Variants in NADK2 observed in about 807,000 individuals in gnomAD.
NADK2 encodes the protein NAD kinase 2, mitochondrial, also known as NAD kinase domain-containing protein 1, mitochondrial.
A neutral mutation model predicts 62.1 loss-of-function variants in NADK2; 35 were observed. The observed-to-expected ratio is 0.56, with a 90% CI of 0.43 to 0.75. The LOEUF (loss-of-function observed/expected upper bound fraction) is 0.75, where lower values mean the gene tolerates loss of function less well. Among genes scored for constraint, NADK2 ranks in the 30% least tolerant of loss-of-function variants. The pLI, the probability that NADK2 is intolerant of heterozygous loss-of-function variation, is 0.00. For synonymous variants in NADK2, 205 were observed against 207.9 expected, an observed-to-expected ratio of 0.99 and a Z score of 0.12; for missense variants, 439 against 561.3, an observed-to-expected ratio of 0.78 and a Z score of 2.20.
chr5:36,232,225 T>C (rs527890799), intron 1 of NADK2, among the ~76,000 whole-genome samples: 5 of 152,356 alleles, frequency 3.3e-5, no homozygotes, highest in Admixed American at 2.6e-4. Context: ...TTATCACAGA[T>C]GGTTTTACTT....
intron 1 of NADK2, among the ~76,000 whole-genome samples, chr5:36,238,618 G>A (rs1747994952): frequency 6.6e-6 from 1 of 152,136 alleles, no homozygotes; most frequent in Non-Finnish European, 1.5e-5. Context: ...TCTAATTTGT[G>A]TCAAGGACCC....
At chr5:36,221,664 C>T (rs1408604747) in intron 4 of NADK2, 1 of 152,172 alleles carries the variant, frequency 6.6e-6, no homozygotes, top group Admixed American at 6.5e-5. Flanking sequence ...AACACCTGTT[C>T]TTCTAGCTAG....
chr5:36,212,840 T>C (rs994665590), intron 6 of NADK2, among the ~76,000 whole-genome samples: 2 of 152,220 alleles, frequency 1.3e-5, no homozygotes, highest in Non-Finnish European at 2.9e-5. Flanking sequence ...CCTGCCTCCC[T>C]GGTATTCACA....
rs557130683 is a variant in NADK2, at chr5:36,205,094, T to C, written c.956+2076A>G. On this transcript the variant is annotated intron_variant, in intron 8 of 11. Transcript: ENST00000381937. The surrounding 1 kb of genome is among the most constrained non-coding windows in gnomAD (Gnocchi z 4.1). ...TCAAAAAATATTTTTTGAGTGAATATATATAAGGTACTGTGCATAAAAAGA... is the reference window on the plus strand; with the variant it reads ...TCAAAAAATATTTTTTGAGTGAATACATATAAGGTACTGTGCATAAAAAGA... Among the ~76,000 whole-genome samples, 28 of 152,032 alleles carry C rather than the reference T, an allele frequency of 1.8e-4. No individual in the cohort carries two copies. In the South Asian group the frequency reaches 5.6e-3, roughly 30 times the overall value.
chr5:36,209,229 T>C (rs1746751653), intron 7 of NADK2, among the ~76,000 whole-genome samples: 2 of 152,240 alleles, frequency 1.3e-5, no homozygotes, highest in African/African-American at 2.4e-5. Context: ...GCATCAGTTA[T>C]TTATGAGATA....
At chr5:36,224,782 C>G (rs1479910542) in intron 4 of NADK2, among the ~76,000 whole-genome samples, 2 of 151,938 alleles carry the variant, frequency 1.3e-5, no homozygotes. Flanking sequence ...CCATAAAGTC[C>G]AGGTACAGTC....
At position 36,220,375 on chromosome 5, in the gene NADK2, G is replaced by C. The variant is rs57250040; in HGVS notation, c.561-696C>G. On this transcript the variant is annotated intron_variant, in intron 4 of 11. Coordinates refer to ENST00000381937, the MANE Select transcript of NADK2 (RefSeq NM_001085411.3). Reference sequence around the variant, plus strand: ...AGATTGCCTATTGGTTGGTGTAGATGAGAGTATGTGGCACCTAAAGATGTC... The same window carrying C: ...AGATTGCCTATTGGTTGGTGTAGATCAGAGTATGTGGCACCTAAAGATGTC... Among the ~76,000 whole-genome samples the C allele has an allele frequency of 3.4e-3, 510 of 151,196 alleles. 1 individual carries two copies. The highest frequency in any genetic ancestry group is 0.012 in the African/African-American group (483 of 41,186).
At position 36,194,992 on chromosome 5, in the gene NADK2, G is replaced by A. The variant is rs1746174440; in HGVS notation, c.*152C>T. 4.2e-6 allele frequency: 3 copies of A among 716,920 alleles called. No homozygotes were observed. The highest frequency in any genetic ancestry group is 1.8e-5 in the African/African-American group (1 of 54,150). The allele number at this position is 716,920 out of a possible 1,614,324, so 44.4% of individuals were successfully genotyped here. ...ACAGTGAATGTCTTTTTTTCTATCA[G>A]AATCCAACAGAAGAATAATGCAAAT... On this transcript the variant is annotated 3_prime_UTR_variant, in exon 12 of 12. Coordinates refer to ENST00000381937, the MANE Select transcript of NADK2 (RefSeq NM_001085411.3).
At position 36,217,767 on chromosome 5, in the gene NADK2, A is replaced by G. The variant is rs1461053671; in HGVS notation, c.762T>C (p.Ile254=). The G allele has an allele frequency of 1.9e-6, 3 of 1,613,706 alleles. No individual in the cohort carries two copies. The African/African-American group carries it at 4.0e-5, about 22-fold the overall frequency. The change falls in exon 6 of 12, where the codon ATT becomes ATC. Residue 254 remains isoleucine (I), a synonymous_variant. Transcript: ENST00000381937. Reference sequence around the variant, plus strand: ...ACCTACTTTCATCATGAGCTCTTTCAATGTTAAGGGCTCTATTGTGCTGAT... The same window carrying G: ...ACCTACTTTCATCATGAGCTCTTTCGATGTTAAGGGCTCTATTGTGCTGAT... The part of the protein sequence containing the change: ...SLNQHNRALN[I]ERAHDERSEA...
chr5:36,222,511 C>T (rs1247883967), intron 4 of NADK2, among the ~76,000 whole-genome samples: 8 of 152,122 alleles, frequency 5.3e-5, no homozygotes, highest in Admixed American at 4.6e-4. Context: ...TGCCTGTGGA[C>T]ATATGAGGAC....
chr5:36,233,909 C>T (rs769815822), intron 1 of NADK2, among the ~76,000 whole-genome samples: 2 of 152,072 alleles, frequency 1.3e-5, no homozygotes, highest in East Asian at 1.9e-4. Context: ...TAAAAGATAC[C>T]ATTTCACCTT....
At position 36,241,512 on chromosome 5, in the gene NADK2, T is replaced by C; in HGVS notation, c.287A>G (p.Asp96Gly). 6.4e-7 allele frequency: 1 copy of C among 1,560,472 alleles called. No homozygotes were observed. The highest frequency in any genetic ancestry group is 8.6e-7 in the Non-Finnish European group (1 of 1,162,376). ...RYRYAELSEE[D>G]LKQLLALKGS... ...GCCAGGACCCACCAGCTGCTTCAGG[T>C]CCTCCTCCGAGAGCTCCGCGTAACG... Residue 96 changes from aspartate (D) to glycine (G), a missense_variant, in exon 1 of 12, where the codon GAC becomes GGC. By Grantham distance (94) the Asp-to-Gly change is moderately conservative. Transcript: ENST00000381937. This position sits in a 1 kb window ranked among gnomAD's most constrained non-coding sequence, Gnocchi z 4.9.
rs1746182614 is a variant in NADK2 at position 36,195,179 on chromosome 5, CT to C, written c.1293del (p.Glu432LysfsTer20). ...DGAIASMMIN[K>X]EDELRTVLLE... Reference sequence around the variant, plus strand: ...AGAAGCACAGTTCGAAGCTCATCTTCTTTATTGATCATCATCGAAGCAATTG... The same window carrying C: ...AGAAGCACAGTTCGAAGCTCATCTTCTTATTGATCATCATCGAAGCAATTG... On this transcript the variant is annotated frameshift_variant, in exon 12 of 12. Coordinates refer to ENST00000381937, the MANE Select transcript of NADK2 (RefSeq NM_001085411.3). LOFTEE classifies it high-confidence loss of function. 1 of 1,613,286 alleles carries C rather than the reference CT, an allele frequency of 6.2e-7. No homozygotes were observed. The highest frequency in any genetic ancestry group is 1.7e-5 in the Admixed American group (1 of 59,866).
rs141447788 is a variant in NADK2 at position 36,222,279 on chromosome 5, T to C, written c.561-2600A>G. Among the ~76,000 whole-genome samples, 1,031 of 152,182 alleles carry C rather than the reference T, an allele frequency of 6.8e-3. 11 individuals are homozygous for C. The highest frequency in any genetic ancestry group is 0.012 in the Non-Finnish European group (803 of 67,976). On this transcript the variant is annotated intron_variant, in intron 4 of 11. Transcript: ENST00000381937. ...GGGTGGGTTAGGGGGACATAGGCCTTCTGGAGAACTCTTTCACCTACTCTC... is the reference window on the plus strand; with the variant it reads ...GGGTGGGTTAGGGGGACATAGGCCTCCTGGAGAACTCTTTCACCTACTCTC...
At chr5:36,218,093 C>A (rs1747118017) in intron 5 of NADK2, 1 of 444,950 alleles carries the variant, frequency 2.2e-6, no homozygotes. Context: ...AACGGAAACA[C>A]CTAATGTGCT....
At chr5:36,200,376 A>G (rs1746395165) in intron 9 of NADK2, 96 bp from the exon 10 acceptor site, 3 of 551,592 alleles carry the variant, frequency 5.4e-6, no homozygotes. Flanking sequence ...CTTAAAGTGT[A>G]TATGTGTTAT....
chr5:36,225,481 T>G, intron 4 of NADK2, 61 bp downstream of exon 4: 1 of 1,341,412 alleles, frequency 7.5e-7, no homozygotes, highest in South Asian at 1.3e-5. Flanking sequence ...ATGTATAACC[T>G]AAAAAAAAAC....
In NADK2 at chr5:36,218,477, G is replaced by A. The variant is rs79522078; in HGVS notation, c.645-593C>T. 0.012 allele frequency among the ~76,000 whole-genome samples: 1,858 copies of A among 152,200 alleles called. 159 individuals are homozygous for A. In the East Asian group the frequency reaches 0.21, roughly 18 times the overall value. On this transcript the variant is annotated intron_variant, in intron 5 of 11. Coordinates refer to ENST00000381937, the MANE Select transcript of NADK2 (RefSeq NM_001085411.3). ...AAGTCAATGGGACAGATTCTGCTAG[G>A]TAAGTATACAAAAATATACTTCCAC...
intron 1 of NADK2, among the ~76,000 whole-genome samples, chr5:36,239,873 A>G (rs1289204428): frequency 1.3e-5 from 2 of 152,200 alleles, no homozygotes; most frequent in Non-Finnish European, 2.9e-5. Context: ...AGAGAAGAAC[A>G]CACATAGGAA....
Sources: allele counts gnomAD v4.1 joint callset (sites outside exome capture counted in the v4.1 genomes callset), GRCh38; gene constraint gnomAD v4.1.1; non-coding constraint Gnocchi (gnomAD v3.1); transcripts MANE v1.5; gene names NCBI Gene and HGNC (gene_info 2026-07-23, HGNC 2026-07-21).